SERINC5: variants seen among roughly 807,000 people sequenced by gnomAD.
SERINC5 encodes the protein serine incorporator 5, also known as chromosome 5 open reading frame 12.
A neutral mutation model predicts 63.1 loss-of-function variants in SERINC5; 41 were observed. The observed-to-expected ratio is 0.65, with a 90% CI of 0.51 to 0.84. SERINC5 has a LOEUF of 0.84. Ranked by LOEUF, SERINC5 falls within the 40% of genes least tolerant of loss-of-function variation. The pLI, the probability that SERINC5 is intolerant of heterozygous loss-of-function variation, is 0.00. For missense variants in SERINC5, 523 were observed against 573.0 expected (o/e 0.91, Z 0.89); for synonymous variants, 222 against 215.2 (o/e 1.03, Z -0.28).
chr5:80,214,336 T>G (rs1750567454), intron 1 of SERINC5, among the ~76,000 whole-genome samples: 1 of 152,218 alleles, frequency 6.6e-6, no homozygotes, highest in African/African-American at 2.4e-5. Flanking sequence ...TATGCTCTTC[T>G]GTATTTTCTG....
intron 1 of SERINC5, among the ~76,000 whole-genome samples, chr5:80,226,709 G>T (rs576959807): frequency 1.3e-5 from 2 of 152,202 alleles, no homozygotes; most frequent in Admixed American, 1.3e-4. Context: ...CTTGTAATTT[G>T]TGGCAGTGAT....
chr5:80,134,212 G>C (rs772115463), downstream of SERINC5, among the ~76,000 whole-genome samples: 1 of 152,182 alleles, frequency 6.6e-6, no homozygotes, highest in Non-Finnish European at 1.5e-5. Context: ...TAGGCCGGGC[G>C]TGGTGGCTCA....
intron 6 of SERINC5, among the ~76,000 whole-genome samples, chr5:80,167,544 T>C (rs1747382082): frequency 6.6e-6 from 1 of 152,198 alleles, no homozygotes; most frequent in South Asian, 2.1e-4. Flanking sequence ...TGCCTGTGTC[T>C]TTATGTGAGA....
At position 80,213,498 on chromosome 5, in the gene SERINC5, G is replaced by C. The variant is rs539161847; in HGVS notation, c.28-10445C>G. 2.0e-5 allele frequency among the ~76,000 whole-genome samples: 3 copies of C among 152,234 alleles called. No homozygotes were observed. In the East Asian group the frequency reaches 5.8e-4, roughly 29 times the overall value. On this transcript the variant is annotated intron_variant, in intron 1 of 11. Transcript: ENST00000507668. ...TGCCATTCTTCTCCACTTACTGCTG[G>C]CATAAGCGCATGAACAAGACAGGTA... is the stretch of plus-strand genomic sequence containing the variant.
chr5:80,132,245 C>G (rs928393773), intron 11 of SERINC5, among the ~76,000 whole-genome samples: 1 of 152,108 alleles, frequency 6.6e-6, no homozygotes, highest in African/African-American at 2.4e-5. Flanking sequence ...CTAAATAGCA[C>G]GGGCCACAGG....
Position 80,140,305 on chromosome 5 carries a change from CAAAAAAAAAAAAAAA to C in SERINC5, c.*3343_*3357del, listed in dbSNP as rs55718546. 9 of 478,236 alleles carry C rather than the reference CAAAAAAAAAAAAAAA, an allele frequency of 1.9e-5. No homozygotes were observed. Among genetic ancestry groups the C allele is most frequent in the South Asian group, 2.2e-4 (2 of 9,110 alleles). The allele number at this position is 478,236 out of a possible 1,614,324, so 29.6% of individuals were successfully genotyped here. A position where few individuals can be genotyped will look rare whatever the true frequency, so the allele number is the denominator to read the frequency against. On this transcript the variant is annotated 3_prime_UTR_variant, in exon 12 of 12. Transcript: ENST00000507668. ...GTGGCTGACAGAGTGAGCCCGTCTC[CAAAAAAAAAAAAAAA>C]AAAAAAAAAAAAGGCTTAGGGTGAC... is the stretch of plus-strand genomic sequence containing the variant.
chr5:80,229,181 G>A (rs1296506880), intron 1 of SERINC5, among the ~76,000 whole-genome samples: 2 of 151,202 alleles, frequency 1.3e-5, no homozygotes, highest in Admixed American at 6.6e-5. Context: ...ATGCCACCAC[G>A]CCCGGCTAAT....
In SERINC5 at chr5:80,172,830, C is replaced by CT. The variant is rs200460746; in HGVS notation, c.551+2123dup. On this transcript the variant is annotated intron_variant, in intron 5 of 11. Transcript: ENST00000507668. ...ACGACCAACGCTTCTATTCACTAGT[C>CT]TTTTTGGTTATGTTATTAGAATATG... 9.0e-3 allele frequency among the ~76,000 whole-genome samples: 1,376 copies of CT among 152,282 alleles called. 19 individuals are homozygous for CT. The highest frequency in any genetic ancestry group is 0.031 in the African/African-American group (1,295 of 41,548).
intron 8 of SERINC5, chr5:80,158,580 T>C (rs1746682836): frequency 7.1e-6 from 3 of 424,654 alleles, no homozygotes; most frequent in Non-Finnish European, 1.3e-5. Flanking sequence ...TTGCTTTATT[T>C]ACCCCAAATA....
At chr5:80,249,042 C>A (rs985989963) in intron 1 of SERINC5, among the ~76,000 whole-genome samples, 10 of 152,092 alleles carry the variant, frequency 6.6e-5, no homozygotes, top group Non-Finnish European at 2.9e-5. Flanking sequence ...AGGCCGGGTA[C>A]GGTGGCTCAC....
intron 7 of SERINC5, among the ~76,000 whole-genome samples, chr5:80,160,663 T>G (rs1746824460): frequency 6.6e-6 from 1 of 152,176 alleles, no homozygotes; most frequent in Non-Finnish European, 1.5e-5. Flanking sequence ...ATGTGTATTC[T>G]ACCCATTAAG....
Position 80,146,134 on chromosome 5 carries a change from G to C in SERINC5, c.1194C>G (p.Phe398Leu). The stretch of plus-strand genomic sequence containing the variant: ...TCATCATCACATACAGGGAAGCTAG[G>C]AAGAACACGAAGTGGAAGTAGGAGT... ...YIYSYFHFVF[F>L]LASLYVMMTV... is the part of the protein sequence containing the mutation. The change falls in exon 11 of 12, where the codon TTC (phenylalanine) becomes TTG (leucine). Residue 398 changes from phenylalanine (F) to leucine (L), a missense_variant. Transcript: ENST00000507668. 6.2e-7 allele frequency: 1 copy of C among 1,614,052 alleles called. No homozygotes were observed. The highest frequency in any genetic ancestry group is 8.5e-7 in the Non-Finnish European group (1 of 1,179,882).
chr5:80,255,999 G>A lies in SERINC5; in HGVS notation c.-77C>T, dbSNP rs1246188991. The A allele has an allele frequency of 2.9e-6, 4 of 1,378,490 alleles. No individual in the cohort carries two copies. The highest frequency in any genetic ancestry group is 1.5e-5 in the African/African-American group (1 of 65,680). The allele number at this position is 1,378,490 out of a possible 1,614,324, so 85.4% of individuals were successfully genotyped here. On this transcript the variant is annotated 5_prime_UTR_variant, in exon 1 of 12. Transcript: ENST00000507668. Reference sequence around the variant, plus strand: ...CCCTCCTGGCTGCCTCGCGCCTCGAGCGCTGGGCTCAGCCGCAGCTCACAC... The same window carrying A: ...CCCTCCTGGCTGCCTCGCGCCTCGAACGCTGGGCTCAGCCGCAGCTCACAC...
intron 6 of SERINC5, among the ~76,000 whole-genome samples, chr5:80,168,754 C>T (rs777226240): frequency 9.9e-5 from 15 of 152,192 alleles, no homozygotes; most frequent in Non-Finnish European, 1.0e-4. Context: ...TCAGATCCCA[C>T]TGTCTCTTCC....
At position 80,142,629 on chromosome 5, in the gene SERINC5, A is replaced by AT. The variant is rs1745579373; in HGVS notation, c.*1033dup. 4.1e-6 allele frequency: 4 copies of AT among 985,318 alleles called. No homozygotes were observed. The South Asian group carries it at 1.9e-4, about 46-fold the overall frequency. 61.0% of individuals were successfully genotyped at this position (985,318 alleles called of 1,614,324 possible). A position where few individuals can be genotyped will look rare whatever the true frequency, so the allele number is the denominator to read the frequency against. ...GGATGCCAGCATGAACCTGAACGGTATGGTCACGTTACAGATCCAGAACAC... is the reference window on the plus strand; with the variant it reads ...GGATGCCAGCATGAACCTGAACGGTATTGGTCACGTTACAGATCCAGAACAC... On this transcript the variant is annotated 3_prime_UTR_variant, in exon 12 of 12. Coordinates refer to ENST00000507668, the MANE Select transcript of SERINC5 (RefSeq NM_001174072.3).
At position 80,255,961 on chromosome 5, in the gene SERINC5, C is replaced by G. The variant is rs181698838; in HGVS notation, c.-39G>C. 7.1e-3 allele frequency: 10,650 copies of G among 1,508,450 alleles called. 61 individuals are homozygous for G. Among genetic ancestry groups the G allele is most frequent in the Middle Eastern group, 0.021 (97 of 4,692 alleles). 93.4% of individuals were successfully genotyped at this position (1,508,450 alleles called of 1,614,324 possible). On this transcript the variant is annotated 5_prime_UTR_variant, in exon 1 of 12. Coordinates refer to ENST00000507668, the MANE Select transcript of SERINC5 (RefSeq NM_001174072.3). ...GCCGAAGGCGCGCTCGCTGGCTCCC[C>G]GCGCCGCACGGGCCCTCCTGGCTGC...
intron 2 of SERINC5, among the ~76,000 whole-genome samples, chr5:80,193,930 A>C (rs1749348471): frequency 6.6e-6 from 1 of 152,198 alleles, no homozygotes; most frequent in Admixed American, 6.5e-5. Flanking sequence ...GAGGGAACTC[A>C]GAGGATTTAA....
At chr5:80,240,916 G>A (rs192121952) in intron 1 of SERINC5, among the ~76,000 whole-genome samples, 30 of 152,132 alleles carry the variant, frequency 2.0e-4, no homozygotes, top group African/African-American at 6.3e-4. Context: ...CAAGTGATCC[G>A]CCCACCTCAG....
rs544778592 is a variant in SERINC5 at position 80,130,545 on chromosome 5, T to A, written c.1238+15545A>T. Among the ~76,000 whole-genome samples the A allele has an allele frequency of 3.9e-5, 6 of 152,338 alleles. No individual in the cohort carries two copies. The South Asian group carries it at 8.3e-4, about 21-fold the overall frequency. Reference sequence around the variant, plus strand: ...CCGGTTTGTCGTAACCTTGATATAATTTGTTTTAAGTTCAGATACTCAAAT... The same window carrying A: ...CCGGTTTGTCGTAACCTTGATATAAATTGTTTTAAGTTCAGATACTCAAAT... On this transcript the variant is annotated intron_variant, in intron 11 of 12. Transcript: ENST00000509193.
Sources: allele counts gnomAD v4.1 joint callset (sites outside exome capture counted in the v4.1 genomes callset), GRCh38; gene constraint gnomAD v4.1.1; transcripts MANE v1.5; gene names NCBI Gene and HGNC (gene_info 2026-07-23, HGNC 2026-07-21).